The following SLC5A11 variants were observed in gnomAD, a reference collection of about 807,000 sequenced individuals.
The protein encoded by SLC5A11 is sodium/myo-inositol cotransporter 2.
SLC5A11 carries 48 observed loss-of-function variants against 69.8 expected under a neutral mutation model. The ratio of observed to expected loss-of-function variants is 0.69; its 90% confidence interval spans 0.55 to 0.87. The LOEUF is 0.87. SLC5A11 is among the 40% of genes least tolerant of loss of function. SLC5A11 has a pLI of 0.00. For synonymous variants in SLC5A11, 319 were observed against 342.4 expected (o/e 0.93, Z 0.75); for missense variants, 784 against 866.1 (o/e 0.91, Z 1.19).
chr16:24,854,031 G>A (rs1041910745), intron 1 of SLC5A11, among the ~76,000 whole-genome samples: 1 of 152,062 alleles, frequency 6.6e-6, no homozygotes, highest in Non-Finnish European at 1.5e-5. Flanking sequence ...GCTTGGAATC[G>A]GTGCCAGTTT....
chr16:24,910,255 AC>A (rs2050408896), intron 14 of SLC5A11, 50 bp from the exon 16 acceptor site: 3 of 1,591,416 alleles, frequency 1.9e-6, no homozygotes, highest in South Asian at 1.1e-5. Flanking sequence ...AGGATGGACA[AC>A]CCCGGCCCCA....
chr16:24,850,965 C>T (rs1168025122), intron 1 of SLC5A11, among the ~76,000 whole-genome samples: 1 of 151,590 alleles, frequency 6.6e-6, no homozygotes, highest in African/African-American at 2.4e-5. Flanking sequence ...AGCCCACCAC[C>T]ACGCCCTGCT....
exon 2 of SLC5A11, chr16:24,858,624 C>T (rs1484510465): frequency 1.3e-6 from 2 of 1,596,200 alleles, no homozygotes; most frequent in Admixed American, 1.7e-5. Flanking sequence ...CCTCAGGATC[C>T]AGAGGTCTCG....
chr16:24,860,236 G>A (rs1209483269), intron 2 of SLC5A11, among the ~76,000 whole-genome samples: 4 of 152,118 alleles, frequency 2.6e-5, no homozygotes, highest in East Asian at 1.9e-4. Flanking sequence ...GCAGTGAGCC[G>A]AGATCGTGCC....
intron 9 of SLC5A11, among the ~76,000 whole-genome samples, chr16:24,896,942 C>CTTTTTTTTTTTTTTTTTTTTTTT (rs869210839): frequency 1.0e-5 from 1 of 97,092 alleles, no homozygotes. Context: ...AACCTCCTTC[C>CTTTTTTTTTTTTTTTTTTTTTTT]TTTTTTTTTT....
chr16:24,852,137 G>C (rs2059340059), intron 1 of SLC5A11, among the ~76,000 whole-genome samples: 1 of 152,028 alleles, frequency 6.6e-6, no homozygotes, highest in South Asian at 2.1e-4. Flanking sequence ...ATTGTGCTCT[G>C]TTTATTTCCC....
rs368600686 is a variant in SLC5A11 at position 24,898,078 on chromosome 16, C to T, written c.975C>T (p.Phe325=). 3.7e-5 allele frequency: 60 copies of T among 1,613,978 alleles called. No homozygotes were observed. The African/African-American group carries it at 7.6e-4, about 20-fold the overall frequency. The change falls in exon 10 of 16, where the codon TTC becomes TTT. Residue 325 remains phenylalanine, a synonymous_variant. Transcript: ENST00000347898. ...TGCTGCCCCTCTTCATAATGGTGTT[C>T]CCTGGGATGGTCAGCCGCATCCTCT...
intron 5 of SLC5A11, among the ~76,000 whole-genome samples, chr16:24,873,779 A>T (rs1437887371): frequency 6.6e-6 from 1 of 150,630 alleles, no homozygotes; most frequent in African/African-American, 2.4e-5. Context: ...GTTGAATTTT[A>T]CTTTTTTTGG....
chr16:24,902,947 A>T (rs2049753542), intron 10 of SLC5A11, among the ~76,000 whole-genome samples: 1 of 152,226 alleles, frequency 6.6e-6, no homozygotes, highest in Non-Finnish European at 1.5e-5. Flanking sequence ...CTATATATTG[A>T]AATACTCTAT....
At chr16:24,890,518 AG>A (rs869185967) in intron 8 of SLC5A11, among the ~76,000 whole-genome samples, 24 of 14,484 alleles carry the variant, frequency 1.7e-3, no homozygotes, top group South Asian at 4.9e-3. Flanking sequence ...AAAAAAAAGA[AG>A]GAAGGAAGGA....
At chr16:24,865,235 A>C (rs559953612) in intron 3 of SLC5A11, among the ~76,000 whole-genome samples, 1 of 152,362 alleles carries the variant, frequency 6.6e-6, no homozygotes, top group South Asian at 2.1e-4. Context: ...AAGATTCTTG[A>C]AAGCAGCAAG....
chr16:24,848,781 AAAAATT>A (rs1245483311), intron 1 of SLC5A11, among the ~76,000 whole-genome samples: 2 of 152,178 alleles, frequency 1.3e-5, no homozygotes, highest in Non-Finnish European at 2.9e-5. Context: ...CCCTGTCTCT[AAAAATT>A]AAGTAAATTA....
intron 2 of SLC5A11, among the ~76,000 whole-genome samples, chr16:24,860,013 C>T (rs751104958): frequency 2.6e-5 from 4 of 151,998 alleles, no homozygotes; most frequent in Admixed American, 6.6e-5. Context: ...AGGCCAGGCG[C>T]GGTGGCTCAC....
At chr16:24,907,138 C>T in exon 12 of SLC5A11, 1 of 1,614,158 alleles carries the variant, frequency 6.2e-7, no homozygotes. Flanking sequence ...TCACCTCCGG[C>T]CTCGGGCATC....
chr16:24,870,219 C>T (rs1229390852), intron 4 of SLC5A11, among the ~76,000 whole-genome samples: 1 of 147,054 alleles, frequency 6.8e-6, no homozygotes, highest in Non-Finnish European at 1.5e-5. Context: ...GTGGCGAAAC[C>T]CCGTCTCTAC....
At chr16:24,900,185 C>T (rs1180777602) in intron 10 of SLC5A11, among the ~76,000 whole-genome samples, 2 of 152,164 alleles carry the variant, frequency 1.3e-5, no homozygotes, top group Non-Finnish European at 2.9e-5. Context: ...GAAGAAAGCT[C>T]CTCTCTTTTC....
chr16:24,906,720 C>T (rs1039156793), exon 11 of SLC5A11: 4 of 1,613,668 alleles, frequency 2.5e-6, no homozygotes, highest in South Asian at 1.1e-5. Flanking sequence ...TCAGGCTGTT[C>T]GGACATCGCG....
Position 24,878,137 on chromosome 16 carries a change from A to G in SLC5A11, c.583+774A>G, listed in dbSNP as rs552437774. Among the ~76,000 whole-genome samples, 11 of 152,378 alleles carry G rather than the reference A, an allele frequency of 7.2e-5. No homozygotes were observed. The South Asian group carries it at 2.3e-3, about 32-fold the overall frequency. ...GTCATTGCCCTCCAGCCTGGGTGACAGAGCGAGACTCCGTCTCAGAATAAA... is the reference window on the plus strand; with the variant it reads ...GTCATTGCCCTCCAGCCTGGGTGACGGAGCGAGACTCCGTCTCAGAATAAA... On this transcript the variant is annotated intron_variant, in intron 7 of 15. Transcript: ENST00000347898.
chr16:24,896,303 A>T (rs997960045), intron 9 of SLC5A11, among the ~76,000 whole-genome samples: 1 of 152,084 alleles, frequency 6.6e-6, no homozygotes, highest in Non-Finnish European at 1.5e-5. Flanking sequence ...TCCTCAATAT[A>T]GCAATATAGC....
Sources: gnomAD v4.1 joint callset for allele counts (sites outside exome capture counted in the v4.1 genomes callset) on GRCh38, gnomAD v4.1.1 for gene constraint, MANE v1.5 for transcripts, NCBI Gene and HGNC (gene_info 2026-07-23, HGNC 2026-07-21) for gene names.